The following CHFR variants were observed in gnomAD, a reference collection of about 807,000 sequenced individuals.
CHFR encodes checkpoint with forkhead and ring finger domains, also known as E3 ubiquitin-protein ligase CHFR.
Under a neutral mutation model 87.6 loss-of-function variants are expected in CHFR, and 57 were observed. The ratio of observed to expected loss-of-function variants is 0.65; its 90% CI spans 0.53 to 0.81. The LOEUF is 0.81. Ranked by LOEUF, CHFR falls within the 30% of genes least tolerant of loss-of-function variation. CHFR has a pLI of 0.00. For missense variants in CHFR, 797 were observed against 865.8 expected (o/e 0.92, Z 1.00); for synonymous variants, 381 against 359.2 (o/e 1.06, Z -0.69).
rs565128269 is a variant in CHFR at position 132,840,492 on chromosome 12, T to C, written c.*1062A>G. On this transcript the variant is annotated 3_prime_UTR_variant, in exon 18 of 18. Coordinates refer to ENST00000450056, the MANE Select transcript of CHFR (RefSeq NM_001161346.2). ...TTCCTGAGAAGAAGCAAAAAAGTTA[T>C]CAGTTTACAAACAAGGATAACAGGT... 2.0e-4 allele frequency: 31 copies of C among 152,768 alleles called. No individual in the cohort carries two copies. Among genetic ancestry groups the C allele is most frequent in the African/African-American group, 7.0e-4 (29 of 41,586 alleles). 9.5% of individuals were successfully genotyped at this position (152,768 alleles called of 1,614,324 possible).
Position 132,843,064 on chromosome 12 carries a change from A to G in CHFR, c.1863T>C (p.Pro621=), listed in dbSNP as rs774002945. The change falls in exon 17 of 18, where the codon CCT becomes CCC. Residue 621 remains proline (P), a synonymous_variant. Transcript: ENST00000450056. ...SELPVAVTSR[P]DCYWGRNCRT... ...GGCAGTTACGGCCCCAGTAGCAGTCAGGACGGGATGTTACGGCCACTGGAA... is the reference window on the plus strand; with the variant it reads ...GGCAGTTACGGCCCCAGTAGCAGTCGGGACGGGATGTTACGGCCACTGGAA... 1.9e-6 allele frequency: 3 copies of G among 1,613,366 alleles called. No individual in the cohort carries two copies. Among genetic ancestry groups the G allele is most frequent in the Non-Finnish European group, 2.5e-6 (3 of 1,179,796 alleles).
intron 3 of CHFR, among the ~76,000 whole-genome samples, chr12:132,874,348 G>C (rs1195507289): frequency 1.0e-5 from 1 of 98,292 alleles, no homozygotes; most frequent in Non-Finnish European, 2.2e-5. Context: ...AACAGGCAGG[G>C]AGGCCCAGGA....
chr12:132,885,782 G>T (rs542188772), intron 2 of CHFR, among the ~76,000 whole-genome samples: 26 of 152,134 alleles, frequency 1.7e-4, no homozygotes, highest in Non-Finnish European at 3.2e-4. Flanking sequence ...GAAAGATGTC[G>T]TTAGCCCAGA....
chr12:132,834,330 T>G lies in CHFR; in HGVS notation c.*7224A>C, dbSNP rs1260126467. On this transcript the variant is annotated 3_prime_UTR_variant, in exon 18 of 18. Transcript: ENST00000450056. ...GCAGGGGAGAGGGTGAAGCGGATGT[T>G]GGGTGCTCAGCCATGCCCCACACTC... 1.3e-5 allele frequency: 2 copies of G among 152,264 alleles called. No homozygotes were observed. The highest frequency in any genetic ancestry group is 4.8e-5 in the African/African-American group (2 of 41,374). 9.4% of individuals were successfully genotyped at this position (152,264 alleles called of 1,614,324 possible). A position where few individuals can be genotyped will look rare whatever the true frequency, so the allele number is the denominator to read the frequency against.
intron 13 of CHFR, chr12:132,848,375 G>A (rs2136933208): frequency 1.2e-6 from 1 of 868,552 alleles, no homozygotes; most frequent in Non-Finnish European, 1.8e-6. Context: ...CCCAGCACCT[G>A]GTCTTGGTAT....
intron 12 of CHFR, among the ~76,000 whole-genome samples, chr12:132,850,964 CATATATATATATAT>C (rs55826641): frequency 0.17 from 22,598 of 135,678 alleles, 2,330 homozygotes; most frequent in South Asian, 0.24. Context: ...TATGTGTGTG[CATATATATATATAT>C]ATATATATAT....
At chr12:132,886,985 T>G (rs956721199) in intron 2 of CHFR, among the ~76,000 whole-genome samples, 3 of 152,256 alleles carry the variant, frequency 2.0e-5, no homozygotes, top group Admixed American at 1.3e-4. Flanking sequence ...TGAACACAAC[T>G]AACTTATACA....
intron 3 of CHFR, 29 bp from the exon 4 acceptor site, chr12:132,872,423 C>T: frequency 6.6e-7 from 1 of 1,525,400 alleles, no homozygotes; most frequent in Non-Finnish European, 9.1e-7. Context: ...ACAATTTATT[C>T]TACTTAAAAT....
In CHFR at chr12:132,835,916, C is replaced by T. The variant is rs1212561134; in HGVS notation, c.*5638G>A. ...ACAGTGCCAGGCTCCCAGCACGGCG[C>T]ACGGCACTCACAGTGACAGGCTCCC... On this transcript the variant is annotated 3_prime_UTR_variant, in exon 18 of 18. Coordinates refer to ENST00000450056, the MANE Select transcript of CHFR (RefSeq NM_001161346.2). 1 of 228,654 alleles carries T rather than the reference C, an allele frequency of 4.4e-6. No individual in the cohort carries two copies. Among genetic ancestry groups the T allele is most frequent in the Non-Finnish European group, 7.9e-6 (1 of 126,034 alleles). The allele number at this position is 228,654 out of a possible 1,614,324, so 14.2% of individuals were successfully genotyped here.
chr12:132,842,108 C>CA lies in CHFR; in HGVS notation c.1917-513dup, dbSNP rs35177584. ...TGGCAGACAGAGCGAGACTCCATCTCAAAAAAAAAAAAAAAAAAAAGAAGT... is the reference window on the plus strand; with the variant it reads ...TGGCAGACAGAGCGAGACTCCATCTCAAAAAAAAAAAAAAAAAAAAAGAAGT... On this transcript the variant is annotated intron_variant, in intron 17 of 17. Coordinates refer to ENST00000450056, the MANE Select transcript of CHFR (RefSeq NM_001161346.2). 7.2e-4 allele frequency among the ~76,000 whole-genome samples: 74 copies of CA among 103,324 alleles called. 1 individual carries two copies. The highest frequency in any genetic ancestry group is 2.3e-3 in the African/African-American group (63 of 27,578). 67.8% of individuals were successfully genotyped at this position (103,324 alleles called of 152,430 possible). A position where few individuals can be genotyped will look rare whatever the true frequency, so the allele number is the denominator to read the frequency against.
intron 12 of CHFR, among the ~76,000 whole-genome samples, chr12:132,850,964 C>CACAT (rs1491169143): frequency 7.4e-6 from 1 of 135,682 alleles, no homozygotes; most frequent in African/African-American, 2.9e-5. Flanking sequence ...TATGTGTGTG[C>CACAT]ATATATATAT....
At chr12:132,878,680 G>A (rs1218412560) in intron 2 of CHFR, among the ~76,000 whole-genome samples, 15 of 151,110 alleles carry the variant, frequency 9.9e-5, no homozygotes, top group African/African-American at 2.4e-4. Context: ...TTAGCCGGGC[G>A]TGGTGGCGGG....
intron 6 of CHFR, chr12:132,867,801 A>G (rs953368051): frequency 5.9e-5 from 9 of 152,192 alleles, no homozygotes; most frequent in African/African-American, 2.2e-4. Flanking sequence ...ACTTCACTGA[A>G]GAACAGGAAG....
rs1028887737 is a variant in CHFR, at chr12:132,857,899, C to T, written c.912-340G>A. Among the ~76,000 whole-genome samples the T allele has an allele frequency of 3.9e-5, 6 of 152,200 alleles. No individual in the cohort carries two copies. In the South Asian group the frequency reaches 8.3e-4, roughly 21 times the overall value. Reference sequence around the variant, plus strand: ...CAGCGGCTCCTACGTTCATTCTATGCGAAATACACCTTCCCAGATAAGGAG... The same window carrying T: ...CAGCGGCTCCTACGTTCATTCTATGTGAAATACACCTTCCCAGATAAGGAG... On this transcript the variant is annotated intron_variant, in intron 8 of 17. Transcript: ENST00000450056.
intron 2 of CHFR, 30 bp downstream of exon 2, chr12:132,887,166 C>A: frequency 2.1e-6 from 3 of 1,453,394 alleles, no homozygotes; most frequent in Non-Finnish European, 1.8e-6. Context: ...TGCCCGGCCC[C>A]GGCCCCCGGC....
At chr12:132,878,545 A>T (rs1220160719) in intron 2 of CHFR, among the ~76,000 whole-genome samples, 1 of 151,936 alleles carries the variant, frequency 6.6e-6, no homozygotes, top group African/African-American at 2.4e-5. Context: ...TTAGAACTTT[A>T]AAAAAACTCA....
chr12:132,845,614 C>T lies in CHFR; in HGVS notation c.1735+1429G>A, dbSNP rs141179419. On this transcript the variant is annotated intron_variant, in intron 15 of 17. Coordinates refer to ENST00000450056, the MANE Select transcript of CHFR (RefSeq NM_001161346.2). ...GCAGTGAGCTGTGATCATGCCCCTG[C>T]ACTCCAGCCTGGGCGACAGAGCAAG... is the stretch of plus-strand genomic sequence containing the variant. Among the ~76,000 whole-genome samples the T allele has an allele frequency of 6.9e-3, 1,052 of 152,290 alleles. 20 individuals are homozygous for T. The highest frequency in any genetic ancestry group is 0.024 in the African/African-American group (985 of 41,552).
intron 10 of CHFR, among the ~76,000 whole-genome samples, chr12:132,855,896 G>A (rs1172939775): frequency 1.3e-5 from 2 of 151,890 alleles, no homozygotes; most frequent in East Asian, 1.9e-4. Flanking sequence ...TCATGGCCTC[G>A]ACCCAACATT....
chr12:132,887,427 G>C lies in CHFR; in HGVS notation c.-12-87C>G, dbSNP rs1185628416. ...CGCCCCACCCCGCGGGCCCCGGCCC[G>C]GCCGCCCGCGCCCACGCAGCCCCGC... On this transcript the variant is annotated intron_variant, in intron 1 of 17. Coordinates refer to ENST00000450056, the MANE Select transcript of CHFR (RefSeq NM_001161346.2). 5 of 1,055,100 alleles carry C rather than the reference G, an allele frequency of 4.7e-6. No homozygotes were observed. The African/African-American group carries it at 5.1e-5, about 11-fold the overall frequency. 65.4% of individuals were successfully genotyped at this position (1,055,100 alleles called of 1,614,324 possible).
Sources: allele counts gnomAD v4.1 joint callset (sites outside exome capture counted in the v4.1 genomes callset), GRCh38; gene constraint gnomAD v4.1.1; transcripts MANE v1.5; gene names NCBI Gene and HGNC (gene_info 2026-07-23, HGNC 2026-07-21).